The following MALRD1 variants were observed in gnomAD, a reference collection of about 807,000 sequenced individuals.
The protein encoded by MALRD1 is MAM and LDL receptor class A domain containing 1, also known as MAM and LDL-receptor class A domain-containing protein 1.
A neutral mutation model predicts 242.1 loss-of-function variants in MALRD1; 247 were observed. That is an observed-to-expected ratio of 1.02 (90% CI 0.92 to 1.13). The LOEUF (loss-of-function observed/expected upper bound fraction) is 1.13. Ranked by LOEUF, MALRD1 falls within the 50% of genes most tolerant of loss-of-function variation. The probability of loss-of-function intolerance (pLI) is 0.00; values close to 1 mark genes in which losing one functional copy is unlikely to be tolerated. For synonymous variants in MALRD1, 995 were observed against 866.6 expected (o/e 1.15, Z -2.60); for missense variants, 2,989 against 2,533.1 (o/e 1.18, Z -3.86).
At chr10:19,571,343 G>A (rs1335877053) in intron 33 of MALRD1, among the ~76,000 whole-genome samples, 3 of 151,686 alleles carry the variant, frequency 2.0e-5, no homozygotes. Flanking sequence ...AGCAGCCAAC[G>A]AAGTCAGACA....
rs374179642 is a variant in MALRD1 at position 19,245,311 on chromosome 10, A to AT, written c.2992-12366dup. Among the ~76,000 whole-genome samples, 545 of 152,248 alleles carry AT rather than the reference A, an allele frequency of 3.6e-3. 2 individuals are homozygous for AT. Among genetic ancestry groups the AT allele is most frequent in the Non-Finnish European group, 5.9e-3 (404 of 68,008 alleles). ...AGAGAGCTCATCTGAATTACAAATG[A>AT]TTTTTTTGTGTAGTCTTTAGCTGGT... is the stretch of plus-strand genomic sequence containing the variant. On this transcript the variant is annotated intron_variant, in intron 18 of 39. Coordinates refer to ENST00000454679, the MANE Select transcript of MALRD1 (RefSeq NM_001142308.3).
At chr10:19,205,686 C>G (rs1836752224) in intron 17 of MALRD1, among the ~76,000 whole-genome samples, 1 of 152,014 alleles carries the variant, frequency 6.6e-6, no homozygotes, top group Non-Finnish European at 1.5e-5. Context: ...AACCATGTAT[C>G]TAAAAACCCT....
intron 14 of MALRD1, among the ~76,000 whole-genome samples, chr10:19,180,135 G>A (rs960157427): frequency 6.6e-6 from 1 of 152,194 alleles, no homozygotes; most frequent in Non-Finnish European, 1.5e-5. Flanking sequence ...GAAAACCAAG[G>A]TGGTTTTGAG....
intron 18 of MALRD1, among the ~76,000 whole-genome samples, chr10:19,209,907 T>C (rs1247043440): frequency 6.6e-6 from 1 of 152,168 alleles, no homozygotes; most frequent in African/African-American, 2.4e-5. Flanking sequence ...CATGTGGCCA[T>C]TGGAAACAGC....
chr10:19,659,106 C>T (rs966361605), intron 36 of MALRD1, among the ~76,000 whole-genome samples: 1 of 152,172 alleles, frequency 6.6e-6, no homozygotes, highest in African/African-American at 2.4e-5. Flanking sequence ...ACAGAGAGCT[C>T]TTCCTATTTC....
At chr10:19,337,238 T>G (rs561821273) in intron 24 of MALRD1, among the ~76,000 whole-genome samples, 2 of 152,268 alleles carry the variant, frequency 1.3e-5, no homozygotes, top group Admixed American at 6.5e-5. Flanking sequence ...CATATGTGTA[T>G]GTAAAATTAC....
intron 32 of MALRD1, among the ~76,000 whole-genome samples, chr10:19,558,912 G>C (rs574502882): frequency 1.3e-5 from 2 of 151,836 alleles, no homozygotes; most frequent in Non-Finnish European, 2.9e-5. Flanking sequence ...GGCTGGGTGC[G>C]GTGGCTCACA....
At chr10:19,324,659 C>T (rs1231436426) in intron 22 of MALRD1, among the ~76,000 whole-genome samples, 1 of 150,698 alleles carries the variant, frequency 6.6e-6, no homozygotes, top group Non-Finnish European at 1.5e-5. Context: ...AAAAAAAATC[C>T]AGTATAGGAT....
At chr10:19,536,667 C>T (rs1201741581) in intron 32 of MALRD1, among the ~76,000 whole-genome samples, 1 of 151,946 alleles carries the variant, frequency 6.6e-6, no homozygotes, top group Non-Finnish European at 1.5e-5. Flanking sequence ...TCTTTTGGTG[C>T]TATGACCTTA....
intron 12 of MALRD1, among the ~76,000 whole-genome samples, chr10:19,164,825 T>C (rs936933865): frequency 1.3e-5 from 2 of 152,052 alleles, no homozygotes; most frequent in Non-Finnish European, 2.9e-5. Flanking sequence ...CCATCAAACC[T>C]TTAGATTGTG....
intron 21 of MALRD1, among the ~76,000 whole-genome samples, chr10:19,296,226 T>G (rs1841691961): frequency 6.6e-6 from 1 of 152,176 alleles, no homozygotes. Flanking sequence ...CCTGTTACCT[T>G]TTTGGATATG....
intron 29 of MALRD1, among the ~76,000 whole-genome samples, chr10:19,477,562 C>G (rs1836796677): frequency 6.6e-6 from 1 of 152,142 alleles, no homozygotes; most frequent in Non-Finnish European, 1.5e-5. Context: ...TTCATTGTCT[C>G]ATGCCAGAGA....
intron 33 of MALRD1, among the ~76,000 whole-genome samples, chr10:19,579,894 G>A (rs1589261499): frequency 6.6e-6 from 1 of 152,194 alleles, no homozygotes; most frequent in African/African-American, 2.4e-5. Context: ...TTTGGGGAAT[G>A]CTTTAGCTAT....
chr10:19,507,368 C>T (rs11010200), intron 31 of MALRD1, among the ~76,000 whole-genome samples: 4,579 of 151,830 alleles, frequency 0.03, 111 homozygotes, highest in Middle Eastern at 0.071. Flanking sequence ...AAAATAAAGG[C>T]GTTTAGAAAA....
intron 29 of MALRD1, among the ~76,000 whole-genome samples, chr10:19,486,790 A>G (rs1437035155): frequency 6.6e-6 from 1 of 152,168 alleles, no homozygotes; most frequent in Non-Finnish European, 1.5e-5. Flanking sequence ...TCTGTGTACA[A>G]AACGATTTTA....
chr10:19,288,209 T>G (rs1293410669), intron 21 of MALRD1, among the ~76,000 whole-genome samples: 1 of 152,090 alleles, frequency 6.6e-6, no homozygotes, highest in East Asian at 1.9e-4. Flanking sequence ...ATTTATGGAC[T>G]GCATAAGGTG....
At chr10:19,067,751 A>T (rs2131246139) in intron 2 of MALRD1, among the ~76,000 whole-genome samples, 1 of 152,186 alleles carries the variant, frequency 6.6e-6, no homozygotes, top group Admixed American at 6.5e-5. Flanking sequence ...AATTTTTAGG[A>T]TGGTTATTTT....
chr10:19,154,904 A>G (rs532227535), intron 11 of MALRD1, among the ~76,000 whole-genome samples, 171 bp from the exon 12 acceptor site: 12 of 152,352 alleles, frequency 7.9e-5, no homozygotes, highest in African/African-American at 2.6e-4. Flanking sequence ...ATTTAATGTT[A>G]TACCGGTATA....
chr10:19,204,001 T>C, intron 15 of MALRD1, 121 bp downstream of exon 15: 1 of 1,204,564 alleles, frequency 8.3e-7, no homozygotes, highest in South Asian at 1.3e-5. Flanking sequence ...TAGTTGAATA[T>C]TGTCAATTAC....
Sources: gnomAD v4.1 joint callset for allele counts (sites outside exome capture counted in the v4.1 genomes callset) on GRCh38, gnomAD v4.1.1 for gene constraint, MANE v1.5 for transcripts, NCBI Gene and HGNC (gene_info 2026-07-23, HGNC 2026-07-21) for gene names.